MND1: variants seen among roughly 807,000 people sequenced by gnomAD.
MND1 encodes meiotic nuclear division protein 1 homolog.
MND1 carries 28 observed loss-of-function variants against 35.1 expected under a neutral mutation model. The ratio of observed to expected loss-of-function variants is 0.80; its 90% CI spans 0.59 to 1.09. The LOEUF is 1.09. Among genes scored for constraint, MND1 ranks in the 50% least tolerant of loss-of-function variants. The pLI is 0.00. For synonymous variants in MND1, 69 were observed against 70.5 expected (o/e 0.98, Z 0.11); for missense variants, 213 against 239.6 (o/e 0.89, Z 0.73).
At chr4:153,359,895 C>G (rs1773439235) in intron 4 of MND1, among the ~76,000 whole-genome samples, 1 of 144,434 alleles carries the variant, frequency 6.9e-6, no homozygotes, top group Admixed American at 7.4e-5. Context: ...TCAAGTGATT[C>G]TCCTGCCTCA....
rs938236712 is a variant in MND1 at position 153,365,530 on chromosome 4, GT to G, written c.276+6915del. 2.0e-5 allele frequency among the ~76,000 whole-genome samples: 3 copies of G among 152,034 alleles called. No homozygotes were observed. In the South Asian group the frequency reaches 6.2e-4, roughly 32 times the overall value. On this transcript the variant is annotated intron_variant, in intron 4 of 7. Transcript: ENST00000240488. ...ATAATCCAACTGTAAAGTTACAGTG[GT>G]TTTTTTATTTATTTTATATTTTTTA...
chr4:153,356,375 C>T (rs1165396828), intron 3 of MND1, among the ~76,000 whole-genome samples: 1 of 151,616 alleles, frequency 6.6e-6, no homozygotes, highest in Non-Finnish European at 1.5e-5. Context: ...CTACTAAAAC[C>T]CCGTCTCTAC....
At chr4:153,365,845 G>C (rs775434611) in intron 4 of MND1, among the ~76,000 whole-genome samples, 1 of 152,228 alleles carries the variant, frequency 6.6e-6, no homozygotes, top group Non-Finnish European at 1.5e-5. Context: ...TTTGAAATTA[G>C]AGCCAGTAGG....
chr4:153,375,640 A>G (rs889534103), intron 4 of MND1, among the ~76,000 whole-genome samples: 1 of 152,122 alleles, frequency 6.6e-6, no homozygotes, highest in African/African-American at 2.4e-5. Context: ...TGTTGTGTAC[A>G]TGTACACCAA....
Position 153,362,652 on chromosome 4 carries a change from G to A in MND1, c.276+4030G>A, listed in dbSNP as rs574856548. Among the ~76,000 whole-genome samples, 4 of 152,264 alleles carry A rather than the reference G, an allele frequency of 2.6e-5. No homozygotes were observed. In the East Asian group the frequency reaches 7.7e-4, roughly 29 times the overall value. On this transcript the variant is annotated intron_variant, in intron 4 of 7. Coordinates refer to ENST00000240488, the MANE Select transcript of MND1 (RefSeq NM_032117.4). Reference sequence around the variant, plus strand: ...TTATATTTTCAGATTACTTAAATATGTCAAATTTGGGGAGGGCTATTAATT... The same window carrying A: ...TTATATTTTCAGATTACTTAAATATATCAAATTTGGGGAGGGCTATTAATT...
chr4:153,380,289 C>T (rs1728638024), intron 4 of MND1, among the ~76,000 whole-genome samples: 1 of 152,068 alleles, frequency 6.6e-6, no homozygotes, highest in African/African-American at 2.4e-5. Flanking sequence ...TATCAGAGGT[C>T]TGGACTAGAT....
chr4:153,347,823 GT>G (rs1773110497), intron 1 of MND1, among the ~76,000 whole-genome samples: 2 of 152,126 alleles, frequency 1.3e-5, no homozygotes, highest in South Asian at 4.1e-4. Context: ...ATTACAGGCA[GT>G]TTTTGTATTA....
At chr4:153,379,764 C>A (rs1422487429) in intron 4 of MND1, among the ~76,000 whole-genome samples, 1 of 146,092 alleles carries the variant, frequency 6.8e-6, no homozygotes, top group African/African-American at 2.5e-5. Flanking sequence ...GCAGGAGAAT[C>A]GCTTGAACCC....
intron 4 of MND1, among the ~76,000 whole-genome samples, chr4:153,374,206 AGTATT>A (rs1294149310): frequency 6.6e-6 from 1 of 152,204 alleles, no homozygotes; most frequent in African/African-American, 2.4e-5. Context: ...CAGCTAAATC[AGTATT>A]GACTCAGGAA....
intron 5 of MND1, among the ~76,000 whole-genome samples, chr4:153,395,339 T>C (rs1729168687): frequency 6.6e-6 from 1 of 152,220 alleles, no homozygotes; most frequent in Admixed American, 6.5e-5. Context: ...TGGTGACATA[T>C]GCTTGCCCAG....
chr4:153,367,823 C>T (rs1350754714), intron 4 of MND1, among the ~76,000 whole-genome samples: 3 of 152,192 alleles, frequency 2.0e-5, no homozygotes, highest in Admixed American at 1.3e-4. Flanking sequence ...TTAGGGCACT[C>T]ATTTCTCCAC....
At chr4:153,404,174 CTTTTTTTTTTT>C (rs71598277) in intron 6 of MND1, among the ~76,000 whole-genome samples, 11 of 73,786 alleles carry the variant, frequency 1.5e-4, no homozygotes, top group African/African-American at 2.4e-4. Flanking sequence ...AAAATTGGTT[CTTTTTTTTTTT>C]TTTTTTTTTT....
chr4:153,360,633 CACAT>C (rs1296444229), intron 4 of MND1, among the ~76,000 whole-genome samples: 2 of 144,658 alleles, frequency 1.4e-5, no homozygotes, highest in Non-Finnish European at 3.0e-5. Flanking sequence ...TAAAAATACA[CACAT>C]ATATACACAA....
chr4:153,356,584 A>G (rs1328215009), intron 3 of MND1, among the ~76,000 whole-genome samples: 1 of 142,752 alleles, frequency 7.0e-6, no homozygotes, highest in East Asian at 2.2e-4. Flanking sequence ...AAAGATATGT[A>G]TAAATCTGAA....
At chr4:153,362,998 C>T (rs889879215) in intron 4 of MND1, 3 of 985,188 alleles carry the variant, frequency 3.0e-6, no homozygotes, top group African/African-American at 3.5e-5. Flanking sequence ...TGACTTTCCC[C>T]CACCCCCACA....
chr4:153,413,762 C>A (rs952523779), intron 7 of MND1, among the ~76,000 whole-genome samples: 2 of 151,676 alleles, frequency 1.3e-5, no homozygotes, highest in Admixed American at 1.3e-4. Flanking sequence ...CACACTGTCA[C>A]GGTCCTGCCT....
intron 4 of MND1, among the ~76,000 whole-genome samples, chr4:153,372,569 A>G (rs1268122704): frequency 6.6e-6 from 1 of 151,942 alleles, no homozygotes; most frequent in Admixed American, 6.6e-5. Flanking sequence ...TCAACCCTAA[A>G]AGTTTTTTTA....
chr4:153,363,044 T>C (rs952097043), intron 4 of MND1: 37 of 984,274 alleles, frequency 3.8e-5, no homozygotes, highest in Non-Finnish European at 4.3e-5. Context: ...CTTGTTATTT[T>C]CCATGGAGTT....
At chr4:153,364,091 C>T (rs1022141908) in intron 4 of MND1, among the ~76,000 whole-genome samples, 12 of 151,594 alleles carry the variant, frequency 7.9e-5, no homozygotes, top group South Asian at 6.3e-4. Flanking sequence ...AAATTTTTTT[C>T]AAAAGAGAAT....
Sources: gnomAD v4.1 joint callset for allele counts (sites outside exome capture counted in the v4.1 genomes callset) on GRCh38, gnomAD v4.1.1 for gene constraint, MANE v1.5 for transcripts, NCBI Gene and HGNC (gene_info 2026-07-23, HGNC 2026-07-21) for gene names.